Variants in ABAT observed in about 807,000 individuals in gnomAD.
ABAT encodes the protein 4-aminobutyrate aminotransferase, also known as 4-aminobutyrate aminotransferase, mitochondrial.
A neutral mutation model predicts 64.6 loss-of-function variants in ABAT; 45 were observed. The ratio of observed to expected loss-of-function variants is 0.70; its 90% CI spans 0.55 to 0.89. The LOEUF (loss-of-function observed/expected upper bound fraction) is 0.89, where lower values mean the gene tolerates loss of function less well. Among genes scored for constraint, ABAT ranks in the 40% least tolerant of loss-of-function variants. The probability of loss-of-function intolerance (pLI) is 0.00; values close to 1 mark genes in which losing one functional copy is unlikely to be tolerated. For synonymous variants in ABAT, 297 were observed against 250.5 expected, an observed-to-expected ratio of 1.19 and a Z score of -1.75; for missense variants, 633 against 658.4, an observed-to-expected ratio of 0.96 and a Z score of 0.42.
At position 8,775,046 on chromosome 16, in the gene ABAT, AGGCCTAAT is replaced by A; in HGVS notation, c.1113_1120del (p.Arg371SerfsTer21). On this transcript the variant is annotated frameshift_variant, in exon 13 of 16. Coordinates refer to ENST00000268251, the MANE Select transcript of ABAT (RefSeq NM_020686.6). LOFTEE classifies it high-confidence loss of function. Reference sequence around the variant, plus strand: ...GGGCTTCTTCCACAAGGAGGAGTTCAGGCCTAATGCTGTGAGTTGGAGCCAACCTTCTC... The same window carrying A: ...GGGCTTCTTCCACAAGGAGGAGTTCAGCTGTGAGTTGGAGCCAACCTTCTC... 1 of 1,614,226 alleles carries A rather than the reference AGGCCTAAT, an allele frequency of 6.2e-7. No individual in the cohort carries two copies. The highest frequency in any genetic ancestry group is 8.5e-7 in the Non-Finnish European group (1 of 1,180,040).
intron 3 of ABAT, among the ~76,000 whole-genome samples, chr16:8,746,964 T>A (rs1277761361): frequency 6.6e-6 from 1 of 152,168 alleles, no homozygotes. Context: ...GTGGCTTGAA[T>A]CACTGCAGTG....
rs2059315002 is a variant in ABAT, at chr16:8,745,936, T to C, written c.71-65T>C. ...CTCTGTTAGGGACATTGGGCATCTG[T>C]CAGGGCAGAATCCTCATGATCTCTG... On this transcript the variant is annotated intron_variant, in intron 2 of 15. Coordinates refer to ENST00000268251, the MANE Select transcript of ABAT (RefSeq NM_020686.6). 8.0e-6 allele frequency: 12 copies of C among 1,502,778 alleles called. No homozygotes were observed. The Admixed American group carries it at 1.9e-4, about 23-fold the overall frequency. 93.1% of individuals were successfully genotyped at this position (1,502,778 alleles called of 1,614,324 possible). A position where few individuals can be genotyped will look rare whatever the true frequency, so the allele number is the denominator to read the frequency against.
intron 1 of ABAT, among the ~76,000 whole-genome samples, chr16:8,707,957 A>G (rs2057985784): frequency 6.6e-6 from 1 of 152,190 alleles, no homozygotes; most frequent in Non-Finnish European, 1.5e-5. Flanking sequence ...CCCATCTCCA[A>G]GAGAATCTCT....
In ABAT at chr16:8,764,889, G is replaced by A. The variant is rs1191649525; in HGVS notation, c.540+59G>A. 1.3e-5 allele frequency: 18 copies of A among 1,438,734 alleles called. No homozygotes were observed. The highest frequency in any genetic ancestry group is 7.0e-5 in the African/African-American group (5 of 71,154). 89.1% of individuals were successfully genotyped at this position (1,438,734 alleles called of 1,614,324 possible). On this transcript the variant is annotated intron_variant, in intron 8 of 15. Transcript: ENST00000268251. The surrounding 1 kb of genome is among the most constrained non-coding windows in gnomAD (Gnocchi z 4.2). ...CAGGCTCCCCAGCACCCAGCCACACGCTCACCCCTTGTCTGACTGTTCATT... is the reference window on the plus strand; with the variant it reads ...CAGGCTCCCCAGCACCCAGCCACACACTCACCCCTTGTCTGACTGTTCATT...
Position 8,728,711 on chromosome 16 carries a change from T to G in ABAT, c.-41-6988T>G, listed in dbSNP as rs571731015. 5.3e-5 allele frequency among the ~76,000 whole-genome samples: 8 copies of G among 152,134 alleles called. 1 individual carries two copies. In the South Asian group the frequency reaches 1.7e-3, roughly 32 times the overall value. On this transcript the variant is annotated intron_variant, in intron 1 of 15. Transcript: ENST00000268251. ...CAACATGGTAAAACCTCATTTCTAC[T>G]AAAAATACACAAATTAGCCAGGTGT...
intron 10 of ABAT, 61 bp downstream of exon 10, chr16:8,768,317 A>G (rs2060005501): frequency 1.3e-6 from 2 of 1,546,394 alleles, no homozygotes; most frequent in Non-Finnish European, 1.8e-6. Context: ...AACGGCAACA[A>G]TAGCGGCGGC....
intron 1 of ABAT, among the ~76,000 whole-genome samples, chr16:8,677,816 G>T (rs2057238686): frequency 1.3e-5 from 2 of 152,146 alleles, no homozygotes; most frequent in African/African-American, 2.4e-5. Flanking sequence ...CAGCTTCCTA[G>T]CTGAGGCGGG....
chr16:8,745,881 G>C (rs1312650669), intron 2 of ABAT, 120 bp from the exon 3 acceptor site: 4 of 902,484 alleles, frequency 4.4e-6, no homozygotes, highest in Admixed American at 4.0e-5. Flanking sequence ...GGGTGGTCTG[G>C]CTGGGATGAG....
At chr16:8,737,313 C>CG (rs1422302044) in intron 2 of ABAT, 5 of 147,810 alleles carry the variant, frequency 3.4e-5, no homozygotes, top group African/African-American at 1.3e-4. Flanking sequence ...CCCGTCTCTA[C>CG]CAAAAATACA....
intron 1 of ABAT, among the ~76,000 whole-genome samples, chr16:8,707,353 A>ATTTTTTTTTTTTTTTTTTTTTTTTTTTT (rs386384172): frequency 1.0e-4 from 13 of 123,936 alleles, no homozygotes; most frequent in African/African-American, 4.0e-4. Flanking sequence ...TGCCAGGGTA[A>ATTTTTTTTTTTTTTTTTTTTTTTTTTTT]TTTTTTTTTT....
chr16:8,764,602 G>C lies in ABAT; in HGVS notation c.448-136G>C. On this transcript the variant is annotated intron_variant, in intron 7 of 15. Coordinates refer to ENST00000268251, the MANE Select transcript of ABAT (RefSeq NM_020686.6). The surrounding 1 kb of genome is among the most constrained non-coding windows in gnomAD (Gnocchi z 4.2). ...GGAAAAGCCTGAGCCCACCCTCCCA[G>C]TCCGACACCTTCCAGGACAGCCCTG... 1 of 862,120 alleles carries C rather than the reference G, an allele frequency of 1.2e-6. No homozygotes were observed. Among genetic ancestry groups the C allele is most frequent in the Admixed American group, 1.9e-5 (1 of 52,624 alleles). The allele number at this position is 862,120 out of a possible 1,614,324, so 53.4% of individuals were successfully genotyped here. A position where few individuals can be genotyped will look rare whatever the true frequency, so the allele number is the denominator to read the frequency against.
chr16:8,754,826 C>A (rs1172844052), intron 5 of ABAT, among the ~76,000 whole-genome samples: 1 of 151,858 alleles, frequency 6.6e-6, no homozygotes, highest in Non-Finnish European at 1.5e-5. Context: ...TCAAGCGATT[C>A]TCCTGCCTCA....
intron 4 of ABAT, among the ~76,000 whole-genome samples, chr16:8,748,757 C>A (rs1319663419): frequency 6.6e-6 from 1 of 151,992 alleles, no homozygotes; most frequent in East Asian, 1.9e-4. Context: ...AGTGGATTGA[C>A]CCTTTATAAT....
chr16:8,713,493 G>T, intron 1 of ABAT: 3 of 201,812 alleles, frequency 1.5e-5, no homozygotes, highest in South Asian at 8.0e-5. Flanking sequence ...CTGTGTAGTT[G>T]CATCCTGTTT....
intron 8 of ABAT, chr16:8,765,678 AAAAC>A (rs2059923504): frequency 6.6e-6 from 1 of 152,480 alleles, no homozygotes; most frequent in African/African-American, 2.5e-5. Flanking sequence ...ACCCTGTAAA[AAAAC>A]AAAAACAGAA....
Position 8,735,739 on chromosome 16 carries a change from C to A in ABAT, c.-1C>A. ...AGGGTGTCCCTGTCCCTCAAGGGGT[C>A]ATGGCCTCCATGTTGCTCGCCCAGC... is the stretch of plus-strand genomic sequence containing the variant. On this transcript the variant is annotated 5_prime_UTR_variant, in exon 2 of 16. Transcript: ENST00000268251. 1 of 1,602,376 alleles carries A rather than the reference C, an allele frequency of 6.2e-7. No homozygotes were observed. Among genetic ancestry groups the A allele is most frequent in the South Asian group, 1.1e-5 (1 of 88,734 alleles).
At chr16:8,703,411 G>A (rs117574358) in intron 1 of ABAT, among the ~76,000 whole-genome samples, 22 of 152,032 alleles carry the variant, frequency 1.4e-4, no homozygotes, top group Admixed American at 3.3e-4. Context: ...AACCAAAATC[G>A]TGCCATTGCT....
intron 5 of ABAT, among the ~76,000 whole-genome samples, chr16:8,756,365 T>C (rs1795000147): frequency 6.6e-6 from 1 of 152,258 alleles, no homozygotes; most frequent in Admixed American, 6.5e-5. Flanking sequence ...GTAATTCTTA[T>C]TAATTAACGT....
chr16:8,721,999 C>A (rs2058386072), intron 1 of ABAT, among the ~76,000 whole-genome samples: 1 of 152,182 alleles, frequency 6.6e-6, no homozygotes, highest in African/African-American at 2.4e-5. Flanking sequence ...ACAAAAATTA[C>A]CAGCATTTGC....
Sources: gnomAD v4.1 joint callset for allele counts (sites outside exome capture counted in the v4.1 genomes callset) on GRCh38, gnomAD v4.1.1 for gene constraint, Gnocchi (gnomAD v3.1) non-coding constraint, MANE v1.5 for transcripts, NCBI Gene and HGNC (gene_info 2026-07-23, HGNC 2026-07-21) for gene names.